STYK1: variants seen among roughly 807,000 people sequenced by gnomAD.
The protein encoded by STYK1 is STY kinase 1, also known as tyrosine-protein kinase STYK1.
STYK1 carries 46 observed loss-of-function variants against 48.1 expected under a neutral mutation model. The observed-to-expected ratio is 0.96, with a 90% confidence interval of 0.75 to 1.22. STYK1 has a LOEUF of 1.22. Ranked by LOEUF, STYK1 falls within the 50% of genes most tolerant of loss-of-function variation. The pLI is 0.00. For synonymous variants in STYK1, 188 were observed against 189.0 expected, an observed-to-expected ratio of 0.99 and a Z score of 0.04; for missense variants, 527 against 521.1, an observed-to-expected ratio of 1.01 and a Z score of -0.11.
At chr12:10,668,542 T>TA (rs1352510659) in intron 1 of STYK1, among the ~76,000 whole-genome samples, 16 of 101,770 alleles carry the variant, frequency 1.6e-4, no homozygotes, top group African/African-American at 6.4e-4. Flanking sequence ...CACCTGGCTT[T>TA]TTTTTTTTTT....
chr12:10,627,361 C>G (rs79264511), intron 7 of STYK1, among the ~76,000 whole-genome samples: 517 of 152,232 alleles, frequency 3.4e-3, no homozygotes, highest in Non-Finnish European at 5.3e-3. Context: ...TACCTCTTGG[C>G]CCTGAAAAAT....
At position 10,634,108 on chromosome 12, in the gene STYK1, C is replaced by T. The variant is rs1947459637; in HGVS notation, c.69G>A (p.Gln23=). 4 of 1,613,144 alleles carry T rather than the reference C, an allele frequency of 2.5e-6. No individual in the cohort carries two copies. The highest frequency in any genetic ancestry group is 3.4e-6 in the Non-Finnish European group (4 of 1,179,878). ...SDKLCVIQEK[Q]YEVIIVPTLL... ...AAGTTGGGACGATAATCACTTCATA[C>T]TGCTTCTCCTGGATGACTGGGTAGG... The change falls in exon 4 of 11, where the codon CAG becomes CAA. Residue 23 remains glutamine (Q), a synonymous_variant. Transcript: ENST00000075503.
intron 1 of STYK1, among the ~76,000 whole-genome samples, chr12:10,643,312 C>A (rs572661703): frequency 4.9e-4 from 74 of 152,174 alleles, no homozygotes; most frequent in Non-Finnish European, 8.2e-4. Context: ...TGGTTGAATG[C>A]CTCTTTACTG....
rs7300889 is a variant in STYK1, at chr12:10,631,435, C to A, written c.188-127G>T. 3.2e-3 allele frequency: 3,679 copies of A among 1,155,934 alleles called. 93 individuals are homozygous for A. In the African/African-American group the frequency reaches 0.052, roughly 16 times the overall value. 71.6% of individuals were successfully genotyped at this position (1,155,934 alleles called of 1,614,324 possible). A position where few individuals can be genotyped will look rare whatever the true frequency, so the allele number is the denominator to read the frequency against. On this transcript the variant is annotated intron_variant, in intron 4 of 10. Coordinates refer to ENST00000075503, the MANE Select transcript of STYK1 (RefSeq NM_018423.3). ...TCTTTGGCCAATGGGGAGTTGTCTT[C>A]TGATGCTTCTCTATAAACCAGCATC...
At chr12:10,623,587 A>T (rs1309666219) in intron 8 of STYK1, among the ~76,000 whole-genome samples, 6 of 152,200 alleles carry the variant, frequency 3.9e-5, no homozygotes, top group African/African-American at 1.4e-4. Flanking sequence ...TCCTTCAAAC[A>T]AAGTTTGAAG....
intron 1 of STYK1, among the ~76,000 whole-genome samples, chr12:10,665,458 T>C (rs1947824655): frequency 6.6e-6 from 1 of 152,194 alleles, no homozygotes; most frequent in Non-Finnish European, 1.5e-5. Context: ...AGCAGTTAAT[T>C]AGCAGCTAAG....
At chr12:10,624,512 A>G in intron 8 of STYK1, 139 bp downstream of exon 8, 1 of 768,892 alleles carries the variant, frequency 1.3e-6, no homozygotes, top group Non-Finnish European at 2.2e-6. Context: ...CTGTCACATA[A>G]CATTTCTGCT....
chr12:10,673,067 A>C (rs1302617077), intron 1 of STYK1, among the ~76,000 whole-genome samples: 1 of 152,168 alleles, frequency 6.6e-6, no homozygotes, highest in Non-Finnish European at 1.5e-5. Flanking sequence ...TCCAATGTGG[A>C]GAGGACCCAT....
chr12:10,633,826 A>G (rs1565563110), intron 4 of STYK1, among the ~76,000 whole-genome samples, 164 bp downstream of exon 4: 1 of 152,162 alleles, frequency 6.6e-6, no homozygotes, highest in Non-Finnish European at 1.5e-5. Context: ...GGGAATTCCT[A>G]GAAAAGAGAT....
Position 10,629,597 on chromosome 12 carries a change from G to T in STYK1, c.529C>A (p.Leu177Met), listed in dbSNP as rs774640032. The change falls in exon 6 of 11, where the codon CTG (leucine) becomes ATG (methionine). Residue 177 changes from leucine (L) to methionine (M), a missense_variant. Transcript: ENST00000075503. ...GTGCAGCAGCCTTCCAGCTGCACCA[G>T]GTTTTTGTGTTTCCCCAGGTATTGA... ...FHQYLGKHKN[L>M]VQLEGCCTEK... 6.2e-7 allele frequency: 1 copy of T among 1,614,048 alleles called. No homozygotes were observed. The highest frequency in any genetic ancestry group is 1.1e-5 in the South Asian group (1 of 91,084).
In STYK1 at chr12:10,620,147, A is replaced by C. The variant is rs905150163; in HGVS notation, c.1266T>G (p.Leu422=). ...AATGTTTCTTGCCCGAGACTCTTCA[A>C]AGCATGCTATAGTTGTAGAAGAGGC... ...VESLFYNYSM[L] is the part of the protein sequence containing the mutation. The change falls in exon 11 of 11, where the codon CTT becomes CTG. Residue 422 remains leucine, a synonymous_variant. Transcript: ENST00000075503. 3.7e-6 allele frequency: 6 copies of C among 1,614,198 alleles called. No homozygotes were observed. Among genetic ancestry groups the C allele is most frequent in the Non-Finnish European group, 1.7e-6 (2 of 1,180,026 alleles).
intron 1 of STYK1, among the ~76,000 whole-genome samples, chr12:10,668,974 C>A (rs1442587713): frequency 2.0e-5 from 3 of 152,010 alleles, no homozygotes; most frequent in Non-Finnish European, 2.9e-5. Context: ...ACTGGCTGAG[C>A]CTGGGCTGGT....
At chr12:10,650,119 CAAAAAAAAA>C (rs71051518) in intron 1 of STYK1, among the ~76,000 whole-genome samples, 1,483 of 51,406 alleles carry the variant, frequency 0.029, 29 homozygotes, top group African/African-American at 0.11. Flanking sequence ...GACTCTGTCT[CAAAAAAAAA>C]AAAAAAAAAA....
chr12:10,646,865 G>GTTGC (rs1947605627), intron 1 of STYK1, among the ~76,000 whole-genome samples: 1 of 152,220 alleles, frequency 6.6e-6, no homozygotes, highest in Admixed American at 6.5e-5. Flanking sequence ...AGCTTGGGCT[G>GTTGC]TTGCTTCAGA....
chr12:10,665,209 C>A (rs1264390695), intron 1 of STYK1, among the ~76,000 whole-genome samples: 1 of 152,156 alleles, frequency 6.6e-6, no homozygotes, highest in Admixed American at 6.5e-5. Context: ...GGTAACCATC[C>A]CATGCCTTCT....
chr12:10,650,227 C>G lies in STYK1; in HGVS notation c.-194-13031G>C, dbSNP rs1418343679. On this transcript the variant is annotated intron_variant, in intron 1 of 10. Coordinates refer to ENST00000075503, the MANE Select transcript of STYK1 (RefSeq NM_018423.3). ...CTGGGAGAAAGCCAAGTTGGGACTC[C>G]CAGGAACAAAGTTAATGTATCATCT... Among the ~76,000 whole-genome samples, 3 of 151,720 alleles carry G rather than the reference C, an allele frequency of 2.0e-5. No homozygotes were observed. In the East Asian group the frequency reaches 5.8e-4, roughly 29 times the overall value.
Position 10,619,976 on chromosome 12 carries a change from A to C in STYK1, c.*168T>G. The stretch of plus-strand genomic sequence containing the variant: ...GTATGTCTTAGCTCAGGATGTGTAG[A>C]GTCCCATCCAGCATCATTTCAGATT... On this transcript the variant is annotated 3_prime_UTR_variant, in exon 11 of 11. Transcript: ENST00000075503. 1 of 716,924 alleles carries C rather than the reference A, an allele frequency of 1.4e-6. No homozygotes were observed. The highest frequency in any genetic ancestry group is 2.3e-6 in the Non-Finnish European group (1 of 425,736). 44.4% of individuals were successfully genotyped at this position (716,924 alleles called of 1,614,324 possible).
chr12:10,653,482 G>T (rs1947685399), intron 1 of STYK1, among the ~76,000 whole-genome samples: 1 of 152,090 alleles, frequency 6.6e-6, no homozygotes, highest in Admixed American at 6.5e-5. Flanking sequence ...GAACTATAAT[G>T]AAACTAAGAT....
intron 1 of STYK1, among the ~76,000 whole-genome samples, chr12:10,652,744 C>T (rs956919492): frequency 3.3e-5 from 5 of 151,388 alleles, no homozygotes; most frequent in Admixed American, 6.6e-5. Flanking sequence ...AAAAGGTTAA[C>T]GAGTCTAAGG....
Sources: allele counts gnomAD v4.1 joint callset (sites outside exome capture counted in the v4.1 genomes callset), GRCh38; gene constraint gnomAD v4.1.1; transcripts MANE v1.5; gene names NCBI Gene and HGNC (gene_info 2026-07-23, HGNC 2026-07-21).